Variants in KAZN observed in about 807,000 individuals in gnomAD.
KAZN encodes the protein kazrin, periplakin interacting protein, also known as kazrin.
KAZN carries 40 observed loss-of-function variants against 87.4 expected under a neutral mutation model. The observed-to-expected ratio is 0.46, with a 90% CI of 0.36 to 0.60. KAZN has a LOEUF of 0.60. Ranked by LOEUF, KAZN falls within the 20% of genes least tolerant of loss-of-function variation. KAZN has a pLI of 0.00. For synonymous variants in KAZN, 466 were observed against 458.3 expected (o/e 1.02, Z -0.22); for missense variants, 898 against 1,073.9 (o/e 0.84, Z 2.29).
intron 1 of KAZN, among the ~76,000 whole-genome samples, chr1:14,695,510 C>CTTTTTTTTTCT (rs1641545792): frequency 1.2e-5 from 1 of 85,048 alleles, no homozygotes; most frequent in African/African-American, 3.6e-5. Context: ...TACATTCCAT[C>CTTTTTTTTTCT]TTTTTTTTTT....
At chr1:14,106,363 A>G (rs938974183) in intron 1 of KAZN, among the ~76,000 whole-genome samples, 4 of 152,220 alleles carry the variant, frequency 2.6e-5, no homozygotes, top group African/African-American at 9.6e-5. Context: ...AAAACTTGCT[A>G]TATATTTAGA....
chr1:14,629,617 G>A (rs1224960450), intron 1 of KAZN, among the ~76,000 whole-genome samples: 2 of 152,156 alleles, frequency 1.3e-5, no homozygotes, highest in East Asian at 1.9e-4. Context: ...TGGCTGCCAC[G>A]GCTCCAGGGC....
At chr1:14,832,215 A>G (rs1407935606) in intron 1 of KAZN, among the ~76,000 whole-genome samples, 1 of 150,914 alleles carries the variant, frequency 6.6e-6, no homozygotes, top group Non-Finnish European at 1.5e-5. Context: ...AAAAAAAGAC[A>G]CACACACTCA....
chr1:14,542,217 T>C (rs1186042680), intron 2 of KAZN, among the ~76,000 whole-genome samples: 3 of 142,648 alleles, frequency 2.1e-5, no homozygotes, highest in Non-Finnish European at 4.5e-5. Flanking sequence ...CACCGCATGT[T>C]CTCACTCATA....
intron 2 of KAZN, among the ~76,000 whole-genome samples, chr1:14,420,206 A>C (rs1055223200): frequency 1.3e-5 from 2 of 152,162 alleles, no homozygotes; most frequent in African/African-American, 4.8e-5. Context: ...ACAAACCTTG[A>C]GCTAGACACA....
intron 2 of KAZN, among the ~76,000 whole-genome samples, chr1:14,445,025 G>T (rs906904361): frequency 9.0e-5 from 11 of 122,500 alleles, no homozygotes; most frequent in Non-Finnish European, 1.5e-4. Flanking sequence ...AACATAACCC[G>T]TGTGCTTTTT....
chr1:14,750,730 A>G (rs977407386), intron 1 of KAZN, among the ~76,000 whole-genome samples: 1 of 152,112 alleles, frequency 6.6e-6, no homozygotes, highest in Non-Finnish European at 1.5e-5. Flanking sequence ...CTAAACTCTA[A>G]TCTCCTGAAG....
intron 2 of KAZN, among the ~76,000 whole-genome samples, chr1:14,293,212 C>T (rs1653850515): frequency 6.6e-6 from 1 of 152,184 alleles, no homozygotes; most frequent in Admixed American, 6.5e-5. Context: ...TTCTCCAGCC[C>T]CGAAGGGAAC....
intron 1 of KAZN, among the ~76,000 whole-genome samples, chr1:14,693,231 G>C (rs757561922): frequency 6.6e-6 from 1 of 152,086 alleles, no homozygotes; most frequent in Admixed American, 6.6e-5. Context: ...CACCTCCTTC[G>C]CATTTGCCGT....
At chr1:14,950,072 C>T (rs1268431562) in intron 1 of KAZN, among the ~76,000 whole-genome samples, 3 of 152,160 alleles carry the variant, frequency 2.0e-5, no homozygotes, top group Non-Finnish European at 4.4e-5. Context: ...TACCTGAGTC[C>T]CTGCACCCTC....
intron 2 of KAZN, among the ~76,000 whole-genome samples, chr1:15,022,545 C>T (rs928945912): frequency 6.6e-6 from 1 of 152,164 alleles, no homozygotes; most frequent in Admixed American, 6.5e-5. Flanking sequence ...TGGATGGGCC[C>T]AAGTCTCTCC....
intron 2 of KAZN, among the ~76,000 whole-genome samples, chr1:14,265,633 A>T (rs969775520): frequency 6.6e-6 from 1 of 152,206 alleles, no homozygotes; most frequent in African/African-American, 2.4e-5. Context: ...CCTGCCAAGG[A>T]ATCAGAAATC....
At position 15,016,346 on chromosome 1, in the gene KAZN, C is replaced by T. The variant is rs74438970; in HGVS notation, c.419-18403C>T. On this transcript the variant is annotated intron_variant, in intron 2 of 14. Coordinates refer to ENST00000376030, the MANE Select transcript of KAZN (RefSeq NM_201628.3). ...TGTTGCCTAGGCTGGAGTGCAATGA[C>T]GCGATCTCAGCCCACTGCAACCTCT... Among the ~76,000 whole-genome samples the T allele has an allele frequency of 8.5e-4, 130 of 152,266 alleles. No individual in the cohort carries two copies. The East Asian group carries it at 0.015, about 18-fold the overall frequency.
intron 2 of KAZN, among the ~76,000 whole-genome samples, chr1:14,978,906 G>T (rs1665944320): frequency 6.6e-6 from 1 of 151,960 alleles, no homozygotes; most frequent in Admixed American, 6.6e-5. Flanking sequence ...TGGGAGGGAG[G>T]TTTTGGGGTA....
chr1:15,032,898 G>A (rs545801683), intron 2 of KAZN, among the ~76,000 whole-genome samples: 58 of 151,684 alleles, frequency 3.8e-4, no homozygotes, highest in Non-Finnish European at 6.6e-4. Context: ...GCAGTGAGCC[G>A]AAATCGCGGC....
chr1:14,819,198 C>T (rs976584827), intron 1 of KAZN, among the ~76,000 whole-genome samples: 1 of 152,334 alleles, frequency 6.6e-6, no homozygotes, highest in East Asian at 1.9e-4. Flanking sequence ...TATAGAAGGA[C>T]TCGTTCAATT....
At chr1:14,853,589 G>A (rs550983211) in intron 1 of KAZN, among the ~76,000 whole-genome samples, 44 of 152,276 alleles carry the variant, frequency 2.9e-4, no homozygotes, top group African/African-American at 1.0e-3. Flanking sequence ...CTCTCAGTGG[G>A]AGAAGAACAT....
At chr1:14,158,441 T>A (rs1340460511) in intron 1 of KAZN, among the ~76,000 whole-genome samples, 7 of 152,106 alleles carry the variant, frequency 4.6e-5, no homozygotes, top group Non-Finnish European at 8.8e-5. Context: ...AGCTCCAAAA[T>A]TTCTGCTTGA....
intron 2 of KAZN, among the ~76,000 whole-genome samples, chr1:14,447,266 T>C (rs558165271): frequency 7.2e-6 from 1 of 139,558 alleles, no homozygotes; most frequent in African/African-American, 2.8e-5. Context: ...TGAGGCAGAA[T>C]TTTGCTCTGT....
Sources: gnomAD v4.1 joint callset for allele counts (sites outside exome capture counted in the v4.1 genomes callset) on GRCh38, gnomAD v4.1.1 for gene constraint, MANE v1.5 for transcripts, NCBI Gene and HGNC (gene_info 2026-07-23, HGNC 2026-07-21) for gene names.